Variants in STPG1 observed in about 807,000 individuals in gnomAD.
STPG1 encodes sperm tail PG-rich repeat containing 1, also known as O(6)-methylguanine-induced apoptosis 2.
Under a neutral mutation model 40.1 loss-of-function variants are expected in STPG1, and 33 were observed. That is an observed-to-expected ratio of 0.82 (90% CI 0.62 to 1.10). The LOEUF (loss-of-function observed/expected upper bound fraction) is 1.10. Ranked by LOEUF, STPG1 falls within the 50% of genes least tolerant of loss-of-function variation. The probability of loss-of-function intolerance (pLI) is 0.00; values close to 1 mark genes in which losing one functional copy is unlikely to be tolerated. For synonymous variants in STPG1, 150 were observed against 155.0 expected (o/e 0.97, Z 0.24); for missense variants, 396 against 415.1 (o/e 0.95, Z 0.40).
chr1:24,395,472 G>A (rs541763772), intron 2 of STPG1, among the ~76,000 whole-genome samples: 81 of 133,806 alleles, frequency 6.1e-4, no homozygotes, highest in African/African-American at 1.3e-3. Context: ...TCGTTCTTGC[G>A]CCCAGGCTGG....
intron 1 of STPG1, among the ~76,000 whole-genome samples, chr1:24,406,778 CTTTT>C (rs1182283947): frequency 6.6e-6 from 1 of 152,038 alleles, no homozygotes; most frequent in Non-Finnish European, 1.5e-5. Context: ...AGTAATAATT[CTTTT>C]TTTATCCATC....
At chr1:24,385,856 G>A (rs1642483266) in intron 3 of STPG1, among the ~76,000 whole-genome samples, 2 of 152,212 alleles carry the variant, frequency 1.3e-5, no homozygotes, top group South Asian at 4.1e-4. Context: ...TAAGTCCAAG[G>A]TGTTGGGCCT....
chr1:24,364,015 A>T (rs991609814), intron 7 of STPG1, among the ~76,000 whole-genome samples: 1 of 152,162 alleles, frequency 6.6e-6, no homozygotes, highest in African/African-American at 2.4e-5. Flanking sequence ...ATGGCCTCTC[A>T]ATCCAGCCTA....
At chr1:24,382,348 A>G (rs774202914) in intron 4 of STPG1, among the ~76,000 whole-genome samples, 2 of 152,242 alleles carry the variant, frequency 1.3e-5, no homozygotes, top group Non-Finnish European at 2.9e-5. Flanking sequence ...GGTGGTAACA[A>G]TCATAATATT....
At chr1:24,360,376 G>C (rs763915908) in intron 8 of STPG1, among the ~76,000 whole-genome samples, 1 of 152,210 alleles carries the variant, frequency 6.6e-6, no homozygotes, top group Non-Finnish European at 1.5e-5. Context: ...CTGAACCTGG[G>C]AGGCGGAAGT....
chr1:24,366,498 G>T, intron 7 of STPG1, among the ~76,000 whole-genome samples: 1 of 152,190 alleles, frequency 6.6e-6, no homozygotes, highest in East Asian at 1.9e-4. Context: ...ATCATTCATC[G>T]GGAACAGATA....
At chr1:24,367,531 C>T (rs550905208) in intron 7 of STPG1, among the ~76,000 whole-genome samples, 3 of 152,198 alleles carry the variant, frequency 2.0e-5, no homozygotes, top group Admixed American at 6.5e-5. Flanking sequence ...TATTTTCTTT[C>T]TTTTTGAGAC....
At chr1:24,398,371 C>G (rs1570085660) in intron 2 of STPG1, among the ~76,000 whole-genome samples, 1 of 151,988 alleles carries the variant, frequency 6.6e-6, no homozygotes, top group African/African-American at 2.4e-5. Flanking sequence ...TAACAAAAGC[C>G]TATAGCAAAC....
chr1:24,387,069 C>T (rs1374167525), intron 3 of STPG1, among the ~76,000 whole-genome samples: 1 of 152,186 alleles, frequency 6.6e-6, no homozygotes, highest in African/African-American at 2.4e-5. Context: ...CCAGGACCCT[C>T]CCTTGGGAGT....
chr1:24,382,250 C>A (rs12086212), intron 4 of STPG1, among the ~76,000 whole-genome samples: 1 of 151,902 alleles, frequency 6.6e-6, no homozygotes, highest in Non-Finnish European at 1.5e-5. Context: ...TTTGTTGGCA[C>A]CAAGAAGGAA....
intron 3 of STPG1, 84 bp from the exon 4 acceptor site, chr1:24,384,087 G>T: frequency 1.2e-6 from 1 of 846,310 alleles, no homozygotes; most frequent in Non-Finnish European, 2.0e-6. Flanking sequence ...TTAACACTAA[G>T]CCTTACTGTA....
At chr1:24,392,215 G>A (rs1642802252) in intron 2 of STPG1, 1 of 313,464 alleles carries the variant, frequency 3.2e-6, no homozygotes, top group African/African-American at 2.3e-5. Context: ...TTAAAAAGCA[G>A]AAAGGGATCA....
At chr1:24,414,607 T>C (rs1234685911), upstream of STPG1, 1 of 132,850 alleles carries the variant, frequency 7.5e-6, no homozygotes, top group Admixed American at 8.6e-5. Context: ...CGATCTCGAC[T>C]CGCTGCAACC....
chr1:24,391,409 C>T (rs991140371), intron 3 of STPG1, 152 bp downstream of exon 3: 8 of 503,508 alleles, frequency 1.6e-5, no homozygotes, highest in Admixed American at 3.8e-5. Flanking sequence ...TTAGTCCAGT[C>T]GGTGCCCCTC....
chr1:24,413,124 A>G (rs1478394696), intron 1 of STPG1, among the ~76,000 whole-genome samples: 1 of 152,224 alleles, frequency 6.6e-6, no homozygotes, highest in African/African-American at 2.4e-5. Flanking sequence ...TCTCAGGTAA[A>G]TAACCCATTC....
chr1:24,382,930 T>TTTTTTTTG (rs1557446996), intron 4 of STPG1, among the ~76,000 whole-genome samples: 2 of 151,132 alleles, frequency 1.3e-5, no homozygotes, highest in African/African-American at 2.4e-5. Flanking sequence ...TTTTTTTTTT[T>TTTTTTTTG]GGACAGAGTC....
rs1640980210 is a variant in STPG1 at position 24,359,871 on chromosome 1, T to TCC, written c.928+978_928+979dup. Among the ~76,000 whole-genome samples the TCC allele has an allele frequency of 6.6e-6, 1 of 151,996 alleles. No homozygotes were observed. Among genetic ancestry groups the TCC allele is most frequent in the Admixed American group, 6.6e-5 (1 of 15,266 alleles). ...CACAGAGGCCGCCCACTGGACTGAG[T>TCC]CCCTCATGATATTAGCTCCCAGGTA... On this transcript the variant is annotated intron_variant, in intron 8 of 8. Coordinates refer to ENST00000337248, the MANE Select transcript of STPG1 (RefSeq NM_001199013.2). The surrounding 1 kb of genome is among the most constrained non-coding windows in gnomAD (Gnocchi z 5.3).
At chr1:24,393,247 T>C (rs1642856549) in intron 2 of STPG1, among the ~76,000 whole-genome samples, 1 of 152,218 alleles carries the variant, frequency 6.6e-6, no homozygotes, top group South Asian at 2.1e-4. Context: ...TGAAGCCTAA[T>C]CTGCCTGGGT....
chr1:24,392,839 A>C (rs1189548169), intron 2 of STPG1, among the ~76,000 whole-genome samples: 1 of 134,086 alleles, frequency 7.5e-6, no homozygotes, highest in African/African-American at 2.7e-5. Context: ...TCAGAGAGGA[A>C]ATACGCGCAG....
Sources: allele counts gnomAD v4.1 joint callset (sites outside exome capture counted in the v4.1 genomes callset), GRCh38; gene constraint gnomAD v4.1.1; non-coding constraint Gnocchi (gnomAD v3.1); transcripts MANE v1.5; gene names NCBI Gene and HGNC (gene_info 2026-07-23, HGNC 2026-07-21).